The following SLC8A1 variants were observed in gnomAD, a reference collection of about 807,000 sequenced individuals.
The protein encoded by SLC8A1 is sodium/calcium exchanger 1.
In SLC8A1, 18 loss-of-function variants were observed where a neutral mutation model predicts 68.3. That is an observed-to-expected ratio of 0.26 (90% CI 0.18 to 0.39). SLC8A1 has a LOEUF of 0.39. Ranked by LOEUF, SLC8A1 falls within the 10% of genes least tolerant of loss-of-function variation. The pLI is 1.00. For missense variants in SLC8A1, 985 were observed against 1,156.7 expected, an observed-to-expected ratio of 0.85 and a Z score of 2.15; for synonymous variants, 475 against 415.5, an observed-to-expected ratio of 1.14 and a Z score of -1.74.
In SLC8A1 at chr2:40,325,783, A is replaced by G. The variant is rs1033480433; in HGVS notation, c.1808+102690T>C. ...CCTGTCTCTACTAAAAATACAAAAAAAAAAAAAAAAAAAAAAAAAAAGTAG... is the reference window on the plus strand; with the variant it reads ...CCTGTCTCTACTAAAAATACAAAAAGAAAAAAAAAAAAAAAAAAAAAGTAG... On this transcript the variant is annotated intron_variant, in intron 2 of 7. Transcript: ENST00000406785. Among the ~76,000 whole-genome samples the G allele has an allele frequency of 4.8e-5, 7 of 146,914 alleles. No homozygotes were observed. The East Asian group carries it at 1.4e-3, about 29-fold the overall frequency.
chr2:40,326,465 A>G (rs893224548), intron 2 of SLC8A1, among the ~76,000 whole-genome samples: 10 of 151,990 alleles, frequency 6.6e-5, no homozygotes, highest in African/African-American at 1.9e-4. Context: ...AAAATGGTGA[A>G]GAAAGGGAAC....
At chr2:40,435,760 G>A (rs1325003315) in intron 1 of SLC8A1, among the ~76,000 whole-genome samples, 1 of 151,902 alleles carries the variant, frequency 6.6e-6, no homozygotes, top group African/African-American at 2.4e-5. Context: ...TATTTTTCGA[G>A]ATAGCACTTA....
chr2:40,340,163 G>A (rs140085605), intron 2 of SLC8A1, among the ~76,000 whole-genome samples: 57 of 152,272 alleles, frequency 3.7e-4, no homozygotes, highest in African/African-American at 1.4e-3. Flanking sequence ...CAAAAATGGT[G>A]GTTTGTGATT....
intron 2 of SLC8A1, among the ~76,000 whole-genome samples, chr2:40,183,183 G>C (rs1360106610): frequency 6.6e-6 from 1 of 152,160 alleles, no homozygotes; most frequent in Non-Finnish European, 1.5e-5. Context: ...AGGTCACAAA[G>C]TGAGTCTCCT....
chr2:40,110,922 G>T (rs1246791928), exon 8 of SLC8A1: 1 of 152,116 alleles, frequency 6.6e-6, no homozygotes, highest in East Asian at 1.9e-4. Context: ...ATGTATATCA[G>T]TCTCGCTACT....
At chr2:40,151,025 C>T (rs1006651758) in intron 6 of SLC8A1, among the ~76,000 whole-genome samples, 5 of 152,132 alleles carry the variant, frequency 3.3e-5, no homozygotes, top group African/African-American at 9.7e-5. Context: ...TCATGTCCTC[C>T]GCTTTTCCTC....
chr2:40,171,317 T>G (rs377687073), intron 4 of SLC8A1, among the ~76,000 whole-genome samples: 3 of 152,232 alleles, frequency 2.0e-5, no homozygotes, highest in East Asian at 1.9e-4. Flanking sequence ...AAGTCTATTA[T>G]GTGCTGAGCA....
chr2:40,234,051 C>A (rs2060034935), intron 2 of SLC8A1, among the ~76,000 whole-genome samples: 1 of 152,176 alleles, frequency 6.6e-6, no homozygotes, highest in Non-Finnish European at 1.5e-5. Flanking sequence ...CAGCTTTGTT[C>A]TTTTGGCTTA....
intron 2 of SLC8A1, among the ~76,000 whole-genome samples, chr2:40,180,964 CTTT>C (rs11316172): frequency 6.6e-6 from 1 of 151,378 alleles, no homozygotes; most frequent in African/African-American, 2.4e-5. Flanking sequence ...TATTTTCTTT[CTTT>C]TTTTTTGTTG....
intron 2 of SLC8A1, among the ~76,000 whole-genome samples, chr2:40,403,936 TATTTC>T (rs1401790413): frequency 6.6e-6 from 1 of 152,250 alleles, no homozygotes; most frequent in African/African-American, 2.4e-5. Context: ...TAGTTGTCAC[TATTTC>T]ATTTGATTAT....
intron 4 of SLC8A1, among the ~76,000 whole-genome samples, chr2:40,172,454 A>G (rs2047665296): frequency 6.6e-6 from 1 of 152,152 alleles, no homozygotes; most frequent in African/African-American, 2.4e-5. Context: ...ACTACATGAA[A>G]TGATAGAAAC....
At position 40,500,795 on chromosome 2, in the gene SLC8A1, C is replaced by CTTTTTTTTTT. The variant is rs1191619172; in HGVS notation, c.-25+11544_-25+11553dup. Reference sequence around the variant, plus strand: ...TATAAGGTAAGGTATTATCATCTGACTTTTTTTTTTTTTTTTTTTTTTTTT... The same window carrying CTTTTTTTTTT: ...TATAAGGTAAGGTATTATCATCTGACTTTTTTTTTTTTTTTTTTTTTTTTTTTTTTTTTTT... On this transcript the variant is annotated intron_variant, in intron 1 of 7. Transcript: ENST00000402441. Among the ~76,000 whole-genome samples, 26 of 37,262 alleles carry CTTTTTTTTTT rather than the reference C, an allele frequency of 7.0e-4. 4 individuals are homozygous for CTTTTTTTTTT. Among genetic ancestry groups the CTTTTTTTTTT allele is most frequent in the East Asian group, 1.0e-3 (1 of 986 alleles). 24.4% of individuals were successfully genotyped at this position (37,262 alleles called of 152,430 possible). A position where few individuals can be genotyped will look rare whatever the true frequency, so the allele number is the denominator to read the frequency against.
chr2:40,102,914 G>A (rs2033981851), exon 8 of SLC8A1: 1 of 152,120 alleles, frequency 6.6e-6, no homozygotes, highest in South Asian at 2.1e-4. Flanking sequence ...AGAAGGAAAA[G>A]TAATTTTATC....
intron 1 of SLC8A1, among the ~76,000 whole-genome samples, chr2:40,469,111 T>C (rs987468515): frequency 1.3e-5 from 2 of 152,144 alleles, no homozygotes; most frequent in African/African-American, 4.8e-5. Context: ...TAACAGTGTG[T>C]GTGCAGTTGG....
chr2:40,362,272 T>A (rs1674849280), intron 2 of SLC8A1, among the ~76,000 whole-genome samples: 1 of 149,976 alleles, frequency 6.7e-6, no homozygotes, highest in South Asian at 2.1e-4. Context: ...TACTGGAAAA[T>A]GGAAAAAGAA....
chr2:40,286,211 T>C (rs956153082), intron 2 of SLC8A1, among the ~76,000 whole-genome samples: 4 of 152,108 alleles, frequency 2.6e-5, no homozygotes, highest in African/African-American at 9.7e-5. Flanking sequence ...TTCAAACTAT[T>C]TTTACTCCAT....
At chr2:40,205,187 C>T (rs888647787) in intron 2 of SLC8A1, among the ~76,000 whole-genome samples, 1 of 152,078 alleles carries the variant, frequency 6.6e-6, no homozygotes, top group African/African-American at 2.4e-5. Context: ...CTCAATTTAG[C>T]CTTTCCATAA....
intron 2 of SLC8A1, among the ~76,000 whole-genome samples, chr2:40,300,007 A>G (rs1045051436): frequency 2.6e-5 from 4 of 152,108 alleles, no homozygotes; most frequent in Admixed American, 2.6e-4. Context: ...CAGCACCAAT[A>G]CTTCCAAAGT....
In SLC8A1 at chr2:40,177,470, T is replaced by C. The variant is rs2048687061; in HGVS notation, c.1912+282A>G. ...GAATAAACCGTGAGTAGTGAAAAACTAAACACATTCTTTTATGTAATCATT... is the reference window on the plus strand; with the variant it reads ...GAATAAACCGTGAGTAGTGAAAAACCAAACACATTCTTTTATGTAATCATT... On this transcript the variant is annotated intron_variant, in intron 3 of 7. Transcript: ENST00000406785. Among the ~76,000 whole-genome samples the C allele has an allele frequency of 1.3e-5, 2 of 152,230 alleles. 1 individual carries two copies. Among genetic ancestry groups the C allele is most frequent in the South Asian group, 4.1e-4 (2 of 4,834 alleles).
Sources: allele counts gnomAD v4.1 joint callset (sites outside exome capture counted in the v4.1 genomes callset), GRCh38; gene constraint gnomAD v4.1.1; transcripts MANE v1.5; gene names NCBI Gene and HGNC (gene_info 2026-07-23, HGNC 2026-07-21).